The following ICA1 variants were observed in gnomAD, a reference collection of about 807,000 sequenced individuals.
The protein encoded by ICA1 is islet cell autoantigen 1.
In ICA1, 40 loss-of-function variants were observed where a neutral mutation model predicts 71.0. The observed-to-expected ratio is 0.56, with a 90% CI of 0.44 to 0.73. ICA1 has a LOEUF of 0.73. Among genes scored for constraint, ICA1 ranks in the 30% least tolerant of loss-of-function variants. The pLI is 0.00. For synonymous variants in ICA1, 207 were observed against 209.5 expected (o/e 0.99, Z 0.10); for missense variants, 578 against 576.5 (o/e 1.00, Z -0.03).
At chr7:8,244,336 G>T (rs1805120231) in intron 1 of ICA1, among the ~76,000 whole-genome samples, 1 of 152,180 alleles carries the variant, frequency 6.6e-6, no homozygotes, top group Non-Finnish European at 1.5e-5. Context: ...AAATGGTGCT[G>T]GGAAAACTGG....
At chr7:8,202,548 A>C (rs1278506214) in intron 6 of ICA1, among the ~76,000 whole-genome samples, 2 of 152,240 alleles carry the variant, frequency 1.3e-5, no homozygotes, top group African/African-American at 4.8e-5. Context: ...AAAAAATGTC[A>C]AAGTACTGTA....
In ICA1 at chr7:8,234,890, G is replaced by T. The variant is rs1237845144; in HGVS notation, c.17+1020C>A. On this transcript the variant is annotated intron_variant, in intron 2 of 13. Transcript: ENST00000402384. This position sits in a 1 kb window ranked among gnomAD's most constrained non-coding sequence, Gnocchi z 4.5. Reference sequence around the variant, plus strand: ...CCATAGAATGGATTTCTTTGGCCGGGCGCGGTGGCTCATGCCTGTAATCCC... The same window carrying T: ...CCATAGAATGGATTTCTTTGGCCGGTCGCGGTGGCTCATGCCTGTAATCCC... Among the ~76,000 whole-genome samples, 1 of 152,214 alleles carries T rather than the reference G, an allele frequency of 6.6e-6. No individual in the cohort carries two copies. Among genetic ancestry groups the T allele is most frequent in the Non-Finnish European group, 1.5e-5 (1 of 68,042 alleles).
At chr7:8,221,163 A>G in intron 5 of ICA1, 112 bp downstream of exon 5, 1 of 1,313,446 alleles carries the variant, frequency 7.6e-7, no homozygotes, top group South Asian at 1.3e-5. Flanking sequence ...GCAGCTCCTC[A>G]GCCTCAGGCA....
chr7:8,171,263 C>A (rs1179394144), intron 6 of ICA1, among the ~76,000 whole-genome samples: 1 of 151,728 alleles, frequency 6.6e-6, no homozygotes, highest in Non-Finnish European at 1.5e-5. Flanking sequence ...TGAGTGAAGC[C>A]ATATAGAACT....
At chr7:8,238,161 C>T (rs983197888) in intron 1 of ICA1, among the ~76,000 whole-genome samples, 2 of 152,090 alleles carry the variant, frequency 1.3e-5, no homozygotes, top group Non-Finnish European at 2.9e-5. Flanking sequence ...TGCACAAATA[C>T]ACAGAATTTG....
chr7:8,118,941 C>T (rs74810334), intron 13 of ICA1, among the ~76,000 whole-genome samples: 5,112 of 152,294 alleles, frequency 0.034, 105 homozygotes, highest in Middle Eastern at 0.068. Flanking sequence ...AGAATCCCTG[C>T]AGGTAGAGCC....
At chr7:8,200,287 A>T (rs1379963683) in intron 6 of ICA1, among the ~76,000 whole-genome samples, 2 of 149,342 alleles carry the variant, frequency 1.3e-5, no homozygotes, top group Non-Finnish European at 3.0e-5. Flanking sequence ...CCGGGATGAC[A>T]GAAGTAATTA....
In ICA1 at chr7:8,140,314, A is replaced by G. The variant is rs138972859; in HGVS notation, c.956-1267T>C. Among the ~76,000 whole-genome samples, 756 of 151,946 alleles carry G rather than the reference A, an allele frequency of 5.0e-3. 2 individuals are homozygous for G. The highest frequency in any genetic ancestry group is 8.6e-3 in the Non-Finnish European group (585 of 67,960). ...CAGCTGCTCCCTTTCTCCTCCTGCC[A>G]CTCGCTCCCCCTCATGCTCTGGAGC... On this transcript the variant is annotated intron_variant, in intron 10 of 13. Transcript: ENST00000402384.
intron 8 of ICA1, among the ~76,000 whole-genome samples, chr7:8,148,237 C>G (rs768100940): frequency 1.3e-5 from 2 of 152,064 alleles, no homozygotes; most frequent in Non-Finnish European, 2.9e-5. Context: ...CAGAAAAGCA[C>G]CCGGTGAGCC....
In ICA1 at chr7:8,132,193, C is replaced by T. The variant is rs952027040; in HGVS notation, c.1061-4051G>A. ...AACTCCGTGACCTTGCAGGCATTGC[C>T]TCTCCTTTCTAAGATAAGCCCTCTC... is the stretch of plus-strand genomic sequence containing the variant. On this transcript the variant is annotated intron_variant, in intron 12 of 13. Coordinates refer to ENST00000402384, the MANE Select transcript of ICA1 (RefSeq NM_001136020.3). The surrounding 1 kb of genome is among the most constrained non-coding windows in gnomAD (Gnocchi z 4.5). Among the ~76,000 whole-genome samples, 6 of 152,184 alleles carry T rather than the reference C, an allele frequency of 3.9e-5. No homozygotes were observed. Among genetic ancestry groups the T allele is most frequent in the Non-Finnish European group, 8.8e-5 (6 of 68,038 alleles).
chr7:8,261,344 G>A (rs911812945), intron 1 of ICA1, among the ~76,000 whole-genome samples: 1 of 152,164 alleles, frequency 6.6e-6, no homozygotes, highest in East Asian at 1.9e-4. Context: ...TTGGGGGAAA[G>A]GCAGACATAA....
At chr7:8,199,133 T>A (rs980501029) in intron 6 of ICA1, among the ~76,000 whole-genome samples, 5 of 152,208 alleles carry the variant, frequency 3.3e-5, no homozygotes, top group Admixed American at 3.3e-4. Context: ...GGAACCCTGA[T>A]AAATCAGTAC....
intron 6 of ICA1, among the ~76,000 whole-genome samples, chr7:8,162,374 C>A (rs1804188040): frequency 6.6e-6 from 1 of 152,142 alleles, no homozygotes; most frequent in Admixed American, 6.5e-5. Flanking sequence ...AATGCTGAGC[C>A]CTTTCCCTGC....
chr7:8,114,029 G>C lies in ICA1; in HGVS notation c.1346C>G (p.Ala449Gly). 6.2e-7 allele frequency: 1 copy of C among 1,614,128 alleles called. No homozygotes were observed. Among genetic ancestry groups the C allele is most frequent in the Non-Finnish European group, 8.5e-7 (1 of 1,180,006 alleles). The change falls in exon 14 of 14, where the codon GCC (alanine) becomes GGC (glycine). Residue 449 changes from alanine to glycine, a missense_variant. Coordinates refer to ENST00000402384, the MANE Select transcript of ICA1 (RefSeq NM_001136020.3). ...QASLQEPAKA[A>G]SDLTAWFSLF... is the part of the protein sequence containing the mutation. The stretch of plus-strand genomic sequence containing the variant: ...GCTGAACCAGGCAGTCAGGTCTGAG[G>C]CAGCCTTAGCAGGTTCTGGGGAGAG...
chr7:8,201,133 A>G (rs1416567416), intron 6 of ICA1, among the ~76,000 whole-genome samples: 1 of 152,036 alleles, frequency 6.6e-6, no homozygotes, highest in African/African-American at 2.4e-5. Context: ...TATGTGCCTG[A>G]CCTCCTCCAT....
At chr7:8,229,067 T>C (rs762610604) in intron 3 of ICA1, among the ~76,000 whole-genome samples, 4 of 152,178 alleles carry the variant, frequency 2.6e-5, no homozygotes, top group African/African-American at 4.8e-5. Context: ...TTTTTTTTAA[T>C]GGGGGATCTG....
intron 6 of ICA1, among the ~76,000 whole-genome samples, chr7:8,218,049 G>A (rs1795927137): frequency 6.6e-6 from 1 of 152,162 alleles, no homozygotes; most frequent in South Asian, 2.1e-4. Context: ...TACAAAAAGT[G>A]CACATTATAA....
chr7:8,229,533 G>A (rs960530837), intron 3 of ICA1, among the ~76,000 whole-genome samples: 1 of 152,216 alleles, frequency 6.6e-6, no homozygotes, highest in East Asian at 1.9e-4. Flanking sequence ...GAGCCACTCA[G>A]TAAGGCAGGG....
rs143734530 is a variant in ICA1, at chr7:8,123,278, C to A, written c.1330+4595G>T. Among the ~76,000 whole-genome samples, 92 of 152,270 alleles carry A rather than the reference C, an allele frequency of 6.0e-4. 2 individuals carry two copies. In the East Asian group the frequency reaches 0.012, roughly 20 times the overall value. ...AAATCCCCCTTCCTCTCCATTTCCC[C>A]AGGGGACTGGGGACAGAACGAGGAG... On this transcript the variant is annotated intron_variant, in intron 13 of 13. Transcript: ENST00000402384. This position sits in a 1 kb window ranked among gnomAD's most constrained non-coding sequence, Gnocchi z 4.1.
Sources: gnomAD v4.1 joint callset for allele counts (sites outside exome capture counted in the v4.1 genomes callset) on GRCh38, gnomAD v4.1.1 for gene constraint, Gnocchi (gnomAD v3.1) non-coding constraint, MANE v1.5 for transcripts, NCBI Gene and HGNC (gene_info 2026-07-23, HGNC 2026-07-21) for gene names.